COPS4: variants seen among roughly 807,000 people sequenced by gnomAD.
COPS4 encodes COP9 signalosome subunit 4.
Under a neutral mutation model 55.1 loss-of-function variants are expected in COPS4, and 8 were observed. The observed-to-expected ratio is 0.15, with a 90% CI of 0.09 to 0.26. The LOEUF (loss-of-function observed/expected upper bound fraction) is 0.26. Ranked by LOEUF, COPS4 falls within the 10% of genes least tolerant of loss-of-function variation. The pLI, the probability that COPS4 is intolerant of heterozygous loss-of-function variation, is 1.00. For synonymous variants in COPS4, 185 were observed against 165.7 expected (o/e 1.12, Z -0.90); for missense variants, 248 against 484.0 (o/e 0.51, Z 4.58).
intron 7 of COPS4, among the ~76,000 whole-genome samples, chr4:83,064,600 CT>C (rs999996455): frequency 1.0e-4 from 15 of 148,552 alleles, no homozygotes; most frequent in Non-Finnish European, 1.2e-4. Flanking sequence ...TTTCTTTTTT[CT>C]TTTTTTTTTG....
chr4:83,061,282 T>C (rs1731159682), intron 6 of COPS4, among the ~76,000 whole-genome samples: 1 of 152,150 alleles, frequency 6.6e-6, no homozygotes, highest in African/African-American at 2.4e-5. Flanking sequence ...AACACCTCCA[T>C]GTAACCAGCA....
At chr4:83,039,808 AT>A (rs920725330) in intron 1 of COPS4, among the ~76,000 whole-genome samples, 6 of 151,780 alleles carry the variant, frequency 4.0e-5, no homozygotes, top group East Asian at 1.9e-4. Context: ...ATTTAAAAAC[AT>A]TTTTTTTGGT....
At chr4:83,063,488 A>G (rs568481607) in intron 7 of COPS4, among the ~76,000 whole-genome samples, 33 of 150,392 alleles carry the variant, frequency 2.2e-4, no homozygotes, top group African/African-American at 7.9e-4. Flanking sequence ...GCTCACTGCA[A>G]ACTCTACCTC....
At chr4:83,039,157 C>CGTGGTCTT (rs1439265113) in intron 1 of COPS4, among the ~76,000 whole-genome samples, 1 of 152,102 alleles carries the variant, frequency 6.6e-6, no homozygotes, top group Non-Finnish European at 1.5e-5. Flanking sequence ...TTCTGCTCCA[C>CGTGGTCTT]GTGGTCTTGG....
intron 6 of COPS4, among the ~76,000 whole-genome samples, chr4:83,062,365 G>A (rs1312372677): frequency 2.0e-5 from 3 of 152,116 alleles, no homozygotes; most frequent in Non-Finnish European, 4.4e-5. Context: ...CTTTATCTGT[G>A]GATTCCATGT....
At chr4:83,075,057 C>T (rs746879826) in intron 9 of COPS4, among the ~76,000 whole-genome samples, 25 of 151,916 alleles carry the variant, frequency 1.6e-4, no homozygotes, top group Non-Finnish European at 3.1e-4. Context: ...GTGGAGGTTG[C>T]AGTGAGCCGA....
intron 6 of COPS4, among the ~76,000 whole-genome samples, chr4:83,060,392 A>C (rs1156266365): frequency 1.1e-4 from 17 of 148,578 alleles, no homozygotes; most frequent in African/African-American, 4.3e-4. Flanking sequence ...TCTGTCGCCC[A>C]GGCTGGAGTG....
At chr4:83,053,219 A>AT (rs1211681485) in intron 4 of COPS4, among the ~76,000 whole-genome samples, 2 of 152,166 alleles carry the variant, frequency 1.3e-5, no homozygotes, top group African/African-American at 4.8e-5. Flanking sequence ...TCTAAAAAAA[A>AT]TTTGATTTGG....
intron 6 of COPS4, among the ~76,000 whole-genome samples, chr4:83,059,944 GC>G (rs1479507571): frequency 2.6e-5 from 4 of 151,858 alleles, no homozygotes; most frequent in Admixed American, 6.6e-5. Context: ...CTTGTGATCC[GC>G]CCTCCTCCGC....
chr4:83,053,471 G>C (rs1280437489), intron 4 of COPS4, among the ~76,000 whole-genome samples: 2 of 152,124 alleles, frequency 1.3e-5, no homozygotes, highest in Non-Finnish European at 2.9e-5. Context: ...AGGGATAAGT[G>C]GTTTGGAGGG....
chr4:83,035,311 C>A lies in COPS4; in HGVS notation c.74+13C>A. ...ATCTGGCTGGCAAGTGAGTATTTCCCAGGAACGCGGGAGTACAGAGGTGGG... is the reference window on the plus strand; with the variant it reads ...ATCTGGCTGGCAAGTGAGTATTTCCAAGGAACGCGGGAGTACAGAGGTGGG... On this transcript the variant is annotated intron_variant, in intron 1 of 9. Transcript: ENST00000264389. 6.5e-7 allele frequency: 1 copy of A among 1,540,194 alleles called. No homozygotes were observed. The highest frequency in any genetic ancestry group is 8.8e-7 in the Non-Finnish European group (1 of 1,133,150).
chr4:83,068,634 G>A (rs1327602705), intron 9 of COPS4, 112 bp downstream of exon 9: 7 of 672,582 alleles, frequency 1.0e-5, no homozygotes, highest in Non-Finnish European at 1.8e-5. Flanking sequence ...ACTGGAATGA[G>A]CTTATTTCCC....
intron 9 of COPS4, among the ~76,000 whole-genome samples, chr4:83,073,708 A>C (rs1205674489): frequency 2.0e-5 from 3 of 151,116 alleles, no homozygotes; most frequent in Admixed American, 2.0e-4. Context: ...TAATCCCAGC[A>C]CTTTGGGAGG....
At chr4:83,061,952 A>G (rs1560441729) in intron 6 of COPS4, among the ~76,000 whole-genome samples, 1 of 152,020 alleles carries the variant, frequency 6.6e-6, no homozygotes, top group Admixed American at 6.6e-5. Flanking sequence ...GAAATCAGCT[A>G]TTTTTCAAGG....
intron 3 of COPS4, 118 bp downstream of exon 3, chr4:83,049,435 T>C: frequency 1.2e-6 from 1 of 863,194 alleles, no homozygotes; most frequent in Non-Finnish European, 1.7e-6. Flanking sequence ...CAAAACAGTG[T>C]GCCAAACGAC....
intron 4 of COPS4, among the ~76,000 whole-genome samples, chr4:83,052,813 C>T (rs968717450): frequency 6.6e-6 from 1 of 152,100 alleles, no homozygotes; most frequent in Non-Finnish European, 1.5e-5. Context: ...TCTCAAACTC[C>T]AGGGCTCAAG....
chr4:83,063,024 A>G, intron 6 of COPS4, 52 bp from the exon 7 acceptor site: 1 of 1,451,428 alleles, frequency 6.9e-7, no homozygotes. Context: ...TTTCCTGAAG[A>G]AACATTGTGA....
chr4:83,069,368 A>G lies in COPS4; in HGVS notation c.1087+846A>G, dbSNP rs1026866315. 5.3e-5 allele frequency among the ~76,000 whole-genome samples: 8 copies of G among 152,154 alleles called. No individual in the cohort carries two copies. The East Asian group carries it at 5.8e-4, about 11-fold the overall frequency. ...GTCTGTCTCCGTTACTCTCAGTTCA[A>G]TTCTTCCTTGACCTTATTGGAGTTT... On this transcript the variant is annotated intron_variant, in intron 9 of 9. Coordinates refer to ENST00000264389, the MANE Select transcript of COPS4 (RefSeq NM_016129.3).
chr4:83,061,034 C>CA (rs201966859), intron 6 of COPS4, among the ~76,000 whole-genome samples: 5,262 of 148,448 alleles, frequency 0.035, 155 homozygotes, highest in African/African-American at 0.062. Flanking sequence ...AACTCTGTCT[C>CA]AAAAAAAAAA....
Sources: allele counts gnomAD v4.1 joint callset (sites outside exome capture counted in the v4.1 genomes callset), GRCh38; gene constraint gnomAD v4.1.1; transcripts MANE v1.5; gene names NCBI Gene and HGNC (gene_info 2026-07-23, HGNC 2026-07-21).